The following KMT2C variants were observed in gnomAD, a reference collection of about 807,000 sequenced individuals.
KMT2C encodes histone-lysine N-methyltransferase 2C.
KMT2C carries 88 observed loss-of-function variants against 507.9 expected under a neutral mutation model. The observed-to-expected ratio is 0.17, with a 90% CI of 0.15 to 0.21. KMT2C has a LOEUF of 0.21. Among genes scored for constraint, KMT2C ranks in the 10% least tolerant of loss-of-function variants. The pLI is 1.00. For synonymous variants in KMT2C, 2,049 were observed against 2,080.8 expected, an observed-to-expected ratio of 0.98 and a Z score of 0.42; for missense variants, 4,954 against 5,957.8, an observed-to-expected ratio of 0.83 and a Z score of 5.55.
At chr7:152,213,575 T>C (rs1032770273) in intron 23 of KMT2C, among the ~76,000 whole-genome samples, 55 of 152,106 alleles carry the variant, frequency 3.6e-4, no homozygotes, top group African/African-American at 1.1e-3. Context: ...CAACTCAAAA[T>C]AGATTAAATA....
At chr7:152,346,223 C>T (rs900652149) in intron 2 of KMT2C, among the ~76,000 whole-genome samples, 10 of 152,262 alleles carry the variant, frequency 6.6e-5, no homozygotes, top group South Asian at 4.1e-4. Context: ...AATCTGACAC[C>T]GTTAATCAAC....
intron 2 of KMT2C, among the ~76,000 whole-genome samples, chr7:152,337,799 C>T (rs1310254516): frequency 6.6e-6 from 1 of 151,218 alleles, no homozygotes; most frequent in Non-Finnish European, 1.5e-5. Flanking sequence ...TGACCTCTAT[C>T]TACATTCACA....
chr7:152,255,400 A>T (rs1308159788), intron 9 of KMT2C, among the ~76,000 whole-genome samples: 3 of 151,804 alleles, frequency 2.0e-5, no homozygotes, highest in Non-Finnish European at 4.4e-5. Flanking sequence ...TCCTGAGCTC[A>T]AGCAACACCC....
At chr7:152,415,543 T>C (rs1394845353) in intron 1 of KMT2C, among the ~76,000 whole-genome samples, 1 of 151,994 alleles carries the variant, frequency 6.6e-6, no homozygotes, top group Non-Finnish European at 1.5e-5. Flanking sequence ...CAATAAACCA[T>C]GGACAAAACA....
At chr7:152,168,295 A>G (rs995660202) in intron 41 of KMT2C, among the ~76,000 whole-genome samples, 1 of 152,252 alleles carries the variant, frequency 6.6e-6, no homozygotes, top group Non-Finnish European at 1.5e-5. Context: ...TACATTAAGA[A>G]TCCAACCAAA....
chr7:152,177,877 A>C lies in KMT2C; in HGVS notation c.7576T>G (p.Leu2526Val). The change falls in exon 38 of 59, where the codon TTA becomes GTA. Residue 2526 changes from leucine (L) to valine (V), a missense_variant. Physicochemically the swap from Leu to Val is conservative, Grantham distance 32. Coordinates refer to ENST00000262189, the MANE Select transcript of KMT2C (RefSeq NM_170606.3). ...RSVSVDMPRP[L>V]NNSQMNNPVG... ...GGATTATTCATTTGTGAGTTATTTA[A>C]AGGCCTAGGCATATCTACAGATACT... 6.2e-7 allele frequency: 1 copy of C among 1,613,816 alleles called. No individual in the cohort carries two copies. The highest frequency in any genetic ancestry group is 8.5e-7 in the Non-Finnish European group (1 of 1,179,980).
intron 16 of KMT2C, among the ~76,000 whole-genome samples, chr7:152,233,801 A>G (rs2095195735): frequency 6.6e-6 from 1 of 152,198 alleles, no homozygotes; most frequent in Non-Finnish European, 1.5e-5. Context: ...GCAAGGAGAG[A>G]CAGATAACCT....
At position 152,195,893 on chromosome 7, in the gene KMT2C, G is replaced by A. The variant is rs891240848; in HGVS notation, c.4378+14C>T. On this transcript the variant is annotated intron_variant, in intron 28 of 58. Transcript: ENST00000262189. Reference sequence around the variant, plus strand: ...TCAGAAACCAGAAAAAGGGTAAACAGTATTCATATATACCTGAATGATCAA... The same window carrying A: ...TCAGAAACCAGAAAAAGGGTAAACAATATTCATATATACCTGAATGATCAA... 26 of 1,400,840 alleles carry A rather than the reference G, an allele frequency of 1.9e-5. No homozygotes were observed. Among genetic ancestry groups the A allele is most frequent in the Non-Finnish European group, 2.6e-5 (26 of 992,944 alleles). The allele number at this position is 1,400,840 out of a possible 1,614,324, so 86.8% of individuals were successfully genotyped here. A position where few individuals can be genotyped will look rare whatever the true frequency, so the allele number is the denominator to read the frequency against.
chr7:152,279,835 T>C (rs2096168147), intron 6 of KMT2C, among the ~76,000 whole-genome samples: 1 of 152,268 alleles, frequency 6.6e-6, no homozygotes, highest in Non-Finnish European at 1.5e-5. Context: ...ACAAATATAT[T>C]CTGAATCACA....
In KMT2C at chr7:152,163,502, G is replaced by T. The variant is rs780114968; in HGVS notation, c.10075C>A (p.Pro3359Thr). The change falls in exon 43 of 59, where the codon CCA (proline) becomes ACA (threonine). Residue 3359 changes from proline to threonine, a missense_variant. By Grantham distance (38) the Pro-to-Thr change is conservative (BLOSUM62 -1). This residue lies in a region of KMT2C where 801 missense variants were observed against 751.2 expected (regional missense o/e 1.07). Transcript: ENST00000262189. Reference sequence around the variant, plus strand: ...GGGGCTGGTGTACAAGTTTTTATTGGTAACTGGGCAATTGGGGGCTGAATT... The same window carrying T: ...GGGGCTGGTGTACAAGTTTTTATTGTTAACTGGGCAATTGGGGGCTGAATT... The part of the protein sequence containing the change: ...PRIQPPIAQL[P>T]IKTCTPAPGT... 6.2e-7 allele frequency: 1 copy of T among 1,613,722 alleles called. No individual in the cohort carries two copies. The highest frequency in any genetic ancestry group is 1.7e-5 in the Admixed American group (1 of 59,990).
intron 1 of KMT2C, among the ~76,000 whole-genome samples, chr7:152,428,458 C>CAAAAAAAAAAAAAAAAAA (rs140697569): frequency 2.7e-5 from 2 of 73,516 alleles, no homozygotes; most frequent in Non-Finnish European, 5.2e-5. Context: ...ACTAAAAATA[C>CAAAAAAAAAAAAAAAAAA]AAAAAAAAAA....
chr7:152,187,323 T>C lies in KMT2C; in HGVS notation c.4947A>G (p.Ala1649=). The C allele has an allele frequency of 6.2e-7, 1 of 1,614,052 alleles. No homozygotes were observed. The highest frequency in any genetic ancestry group is 8.5e-7 in the Non-Finnish European group (1 of 1,179,994). Residue 1649 remains alanine (A), a synonymous_variant, in exon 33 of 59, where the codon GCA becomes GCG. Transcript: ENST00000262189. ...WEKEEALGEM[A]TVAPVLYTNI... ...TGGTGTAGAGAACTGGGGCAACAGT[T>C]GCCATTTCACCCAGAGCCTCCTCTT...
chr7:152,171,219 C>G (rs1257462368), intron 40 of KMT2C, 45 bp downstream of exon 40: 3 of 1,329,030 alleles, frequency 2.3e-6, no homozygotes, highest in Non-Finnish European at 3.2e-6. Flanking sequence ...TGCTGGGAAA[C>G]AGAAAAGCGT....
chr7:152,419,292 A>G (rs988648391), intron 1 of KMT2C, among the ~76,000 whole-genome samples: 1 of 152,140 alleles, frequency 6.6e-6, no homozygotes, highest in Non-Finnish European at 1.5e-5. Context: ...CGGAGATTGC[A>G]GTGAGCCGAG....
At chr7:152,300,412 G>T (rs2096555827) in intron 6 of KMT2C, among the ~76,000 whole-genome samples, 1 of 152,142 alleles carries the variant, frequency 6.6e-6, no homozygotes, top group Non-Finnish European at 1.5e-5. Flanking sequence ...CACATGCTAG[G>T]CAGAGAGTAC....
intron 31 of KMT2C, among the ~76,000 whole-genome samples, chr7:152,189,427 T>C (rs1221374687): frequency 1.3e-5 from 2 of 152,182 alleles, no homozygotes; most frequent in Non-Finnish European, 1.5e-5. Context: ...CAAATGGCAA[T>C]ACAGAGTTGA....
chr7:152,424,223 C>T (rs565862716), intron 1 of KMT2C, among the ~76,000 whole-genome samples: 1 of 152,304 alleles, frequency 6.6e-6, no homozygotes, highest in Middle Eastern at 3.4e-3. Context: ...AAGTGATCCT[C>T]CCACCTCAAC....
chr7:152,216,583 T>C (rs2094588577), intron 23 of KMT2C, among the ~76,000 whole-genome samples: 2 of 152,238 alleles, frequency 1.3e-5, no homozygotes, highest in African/African-American at 2.4e-5. Flanking sequence ...TTGTACTTTT[T>C]AATAAAGGAA....
At chr7:152,350,481 G>C (rs1282868384) in intron 2 of KMT2C, among the ~76,000 whole-genome samples, 1 of 152,120 alleles carries the variant, frequency 6.6e-6, no homozygotes, top group East Asian at 1.9e-4. Context: ...GTACAGCCTA[G>C]TACTCTAGGC....
Sources: allele counts gnomAD v4.1 joint callset (sites outside exome capture counted in the v4.1 genomes callset), GRCh38; gene constraint gnomAD v4.1.1; regional missense constraint gnomAD v4.1.1; transcripts MANE v1.5; gene names NCBI Gene and HGNC (gene_info 2026-07-23, HGNC 2026-07-21).